IQCJ: variants seen among roughly 807,000 people sequenced by gnomAD.
The protein encoded by IQCJ is IQ domain-containing protein J.
In IQCJ, 9 loss-of-function variants were observed where a neutral mutation model predicts 11.0. The ratio of observed to expected loss-of-function variants is 0.82; its 90% CI spans 0.49 to 1.43. The LOEUF is 1.43. Among genes scored for constraint, IQCJ ranks in the 40% most tolerant of loss-of-function variants. The pLI, the probability that IQCJ is intolerant of heterozygous loss-of-function variation, is 0.00. For synonymous variants in IQCJ, 55 were observed against 51.3 expected (o/e 1.07, Z -0.31); for missense variants, 146 against 133.2 (o/e 1.10, Z -0.47).
At chr3:159,088,214 T>A (rs61795971) in intron 1 of IQCJ, among the ~76,000 whole-genome samples, 29,250 of 152,042 alleles carry the variant, frequency 0.19, 3,487 homozygotes, top group South Asian at 0.35. Flanking sequence ...TCAGTTTCCA[T>A]GTAGTTGAGC....
rs201823582 is a variant in IQCJ, at chr3:159,224,068, T to TAA, written c.10-21762_10-21761dup. Among the ~76,000 whole-genome samples, 113 of 134,132 alleles carry TAA rather than the reference T, an allele frequency of 8.4e-4. 1 individual carries two copies. Among genetic ancestry groups the TAA allele is most frequent in the African/African-American group, 2.8e-3 (104 of 36,682 alleles). The allele number at this position is 134,132 out of a possible 152,430, so 88.0% of individuals were successfully genotyped here. On this transcript the variant is annotated intron_variant, in intron 1 of 3. Transcript: ENST00000397832. Reference sequence around the variant, plus strand: ...ATAATATTAAAATATCATTTCCCACTAAAAAAAAAAAAAACAAGACTTAAA... The same window carrying TAA: ...ATAATATTAAAATATCATTTCCCACTAAAAAAAAAAAAAAAACAAGACTTAAA...
At chr3:159,265,888 G>T (rs1728470064), downstream of IQCJ, 1 of 153,428 alleles carries the variant, frequency 6.5e-6, no homozygotes, top group African/African-American at 2.4e-5. Flanking sequence ...CACTAATCTG[G>T]TTGAGTTCCT....
intron 1 of IQCJ, among the ~76,000 whole-genome samples, chr3:159,238,098 G>A (rs1304480234): frequency 1.3e-5 from 2 of 152,086 alleles, no homozygotes; most frequent in Non-Finnish European, 2.9e-5. Flanking sequence ...AGGAAGGGTA[G>A]GTCTTGGAGG....
In IQCJ at chr3:159,131,269, C is replaced by T. The variant is rs140540288; in HGVS notation, c.9+61828C>T. Among the ~76,000 whole-genome samples, 790 of 152,234 alleles carry T rather than the reference C, an allele frequency of 5.2e-3. 3 individuals carry two copies. Among genetic ancestry groups the T allele is most frequent in the Non-Finnish European group, 5.6e-3 (381 of 68,016 alleles). On this transcript the variant is annotated intron_variant, in intron 1 of 3. Coordinates refer to ENST00000397832, the MANE Select transcript of IQCJ (RefSeq NM_001042706.3). Reference sequence around the variant, plus strand: ...ACATCACACATAAGTATGTCTCTCTCTTAACGTTGTGCTCTGGGCACTACA... The same window carrying T: ...ACATCACACATAAGTATGTCTCTCTTTTAACGTTGTGCTCTGGGCACTACA...
At chr3:159,198,603 G>A (rs1724132079) in intron 1 of IQCJ, among the ~76,000 whole-genome samples, 2 of 152,184 alleles carry the variant, frequency 1.3e-5, no homozygotes, top group African/African-American at 2.4e-5. Flanking sequence ...CACATAGCTA[G>A]GAAGGGGATG....
At chr3:159,086,581 CTT>C (rs1368198477) in intron 1 of IQCJ, among the ~76,000 whole-genome samples, 1 of 152,084 alleles carries the variant, frequency 6.6e-6, no homozygotes, top group Non-Finnish European at 1.5e-5. Flanking sequence ...TTTGTATCCT[CTT>C]TTATTTCCTT....
intron 2 of IQCJ, among the ~76,000 whole-genome samples, chr3:159,246,430 G>A (rs1044402691): frequency 2.0e-5 from 3 of 152,154 alleles, no homozygotes; most frequent in Admixed American, 6.5e-5. Context: ...TTTGATATAG[G>A]CATTATTATT....
chr3:159,226,637 A>G (rs1408703825), intron 1 of IQCJ, among the ~76,000 whole-genome samples: 1 of 152,192 alleles, frequency 6.6e-6, no homozygotes, highest in East Asian at 1.9e-4. Context: ...TTAAATAAAG[A>G]GTTTTAGAAA....
chr3:159,232,216 G>A (rs1355173993), intron 1 of IQCJ, among the ~76,000 whole-genome samples: 1 of 151,988 alleles, frequency 6.6e-6, no homozygotes, highest in African/African-American at 2.4e-5. Context: ...TTTTAATTGT[G>A]ATGTTAGGGT....
chr3:159,070,596 C>T (rs1458969613), intron 1 of IQCJ, among the ~76,000 whole-genome samples: 2 of 152,012 alleles, frequency 1.3e-5, no homozygotes, highest in African/African-American at 4.8e-5. Flanking sequence ...TTCTGGTCTT[C>T]AGATTATAAT....
At chr3:159,085,915 A>G (rs1391786653) in intron 1 of IQCJ, among the ~76,000 whole-genome samples, 1 of 150,844 alleles carries the variant, frequency 6.6e-6, no homozygotes, top group Non-Finnish European at 1.5e-5. Context: ...GAAGCTCTTT[A>G]GTTTAATTAG....
chr3:159,262,073 G>A (rs1345957008), intron 3 of IQCJ, among the ~76,000 whole-genome samples: 1 of 152,202 alleles, frequency 6.6e-6, no homozygotes. Flanking sequence ...GGACTGCTCT[G>A]GAGCTGTGCA....
intron 1 of IQCJ, among the ~76,000 whole-genome samples, chr3:159,110,724 T>C (rs1718572331): frequency 6.6e-6 from 1 of 152,166 alleles, no homozygotes; most frequent in South Asian, 2.1e-4. Context: ...GATTACTCAA[T>C]TGAATTTCTA....
At chr3:159,129,446 G>C (rs1482252653) in intron 1 of IQCJ, among the ~76,000 whole-genome samples, 1 of 152,144 alleles carries the variant, frequency 6.6e-6, no homozygotes, top group Non-Finnish European at 1.5e-5. Flanking sequence ...TGCCTTCTAA[G>C]CTTGTGGCAC....
chr3:159,138,106 G>T (rs555031701), intron 1 of IQCJ, among the ~76,000 whole-genome samples: 1 of 152,278 alleles, frequency 6.6e-6, no homozygotes, highest in African/African-American at 2.4e-5. Context: ...AGGAACAGAG[G>T]CTCTGAGATG....
chr3:159,157,134 G>T (rs1436824606), intron 1 of IQCJ, among the ~76,000 whole-genome samples: 1 of 152,136 alleles, frequency 6.6e-6, no homozygotes, highest in Admixed American at 6.6e-5. Flanking sequence ...GCACACAATG[G>T]CTGGATAGTT....
chr3:159,115,911 G>A (rs902198789), intron 1 of IQCJ, among the ~76,000 whole-genome samples: 4 of 152,088 alleles, frequency 2.6e-5, no homozygotes, highest in Non-Finnish European at 5.9e-5. Context: ...CACACACTGG[G>A]GCCTGTCAGG....
At chr3:159,262,514 G>A in intron 3 of IQCJ, 34 bp from the exon 4 acceptor site, 1 of 1,606,518 alleles carries the variant, frequency 6.2e-7, no homozygotes. Context: ...GTAATCATGT[G>A]TGTGCTGTTT....
chr3:159,200,912 G>A (rs1389603646), intron 1 of IQCJ, among the ~76,000 whole-genome samples: 4 of 152,162 alleles, frequency 2.6e-5, no homozygotes, highest in Non-Finnish European at 5.9e-5. Flanking sequence ...ATAGAAGTGT[G>A]TAGTTGGGGG....
Sources: allele counts gnomAD v4.1 joint callset (sites outside exome capture counted in the v4.1 genomes callset), GRCh38; gene constraint gnomAD v4.1.1; transcripts MANE v1.5; gene names NCBI Gene and HGNC (gene_info 2026-07-23, HGNC 2026-07-21).